Variants in KIF2A observed in about 807,000 individuals in gnomAD.
The protein encoded by KIF2A is kinesin-like protein KIF2A.
KIF2A carries 22 observed loss-of-function variants against 100.2 expected under a neutral mutation model. That is an observed-to-expected ratio of 0.22 (90% confidence interval 0.16 to 0.31). KIF2A has a LOEUF of 0.31. KIF2A is among the 10% of genes least tolerant of loss of function. The pLI is 1.00. For missense variants in KIF2A, 495 were observed against 898.7 expected (o/e 0.55, Z 5.74); for synonymous variants, 268 against 285.9 (o/e 0.94, Z 0.63).
chr5:62,378,582 A>G (rs1381314838), intron 19 of KIF2A, among the ~76,000 whole-genome samples: 1 of 152,236 alleles, frequency 6.6e-6, no homozygotes, highest in African/African-American at 2.4e-5. Context: ...CAAAAATGAC[A>G]GAGAACACTT....
At chr5:62,323,904 T>C (rs996152426) in intron 1 of KIF2A, among the ~76,000 whole-genome samples, 2 of 152,034 alleles carry the variant, frequency 1.3e-5, no homozygotes, top group African/African-American at 4.8e-5. Context: ...CATGGTGGTA[T>C]GTACCTGTGG....
chr5:62,335,422 C>G (rs1384314735), intron 1 of KIF2A, among the ~76,000 whole-genome samples: 1 of 152,174 alleles, frequency 6.6e-6, no homozygotes, highest in African/African-American at 2.4e-5. Context: ...AGACGCCACT[C>G]TGTCCCTCAG....
At position 62,313,672 on chromosome 5, in the gene KIF2A, C is replaced by T. The variant is rs115972924; in HGVS notation, c.64+7136C>T. Among the ~76,000 whole-genome samples the T allele has an allele frequency of 5.3e-3, 801 of 152,226 alleles. 1 individual carries two copies. The highest frequency in any genetic ancestry group is 1.0e-2 in the South Asian group (48 of 4,824). Reference sequence around the variant, plus strand: ...CCGGCCAGCCTCAGAGTTCTTAATACAGCATTATCAGCCCTAATAGCCCTA... The same window carrying T: ...CCGGCCAGCCTCAGAGTTCTTAATATAGCATTATCAGCCCTAATAGCCCTA... On this transcript the variant is annotated intron_variant, in intron 1 of 20. Coordinates refer to ENST00000407818, the MANE Select transcript of KIF2A (RefSeq NM_001098511.3).
At chr5:62,309,333 A>G (rs1561242954) in intron 1 of KIF2A, among the ~76,000 whole-genome samples, 1 of 152,216 alleles carries the variant, frequency 6.6e-6, no homozygotes, top group Non-Finnish European at 1.5e-5. Flanking sequence ...ACAGTGTGTT[A>G]TTATCCTAAC....
intron 20 of KIF2A, among the ~76,000 whole-genome samples, chr5:62,384,734 A>C (rs762856985): frequency 2.0e-5 from 3 of 152,366 alleles, no homozygotes; most frequent in African/African-American, 4.8e-5. Context: ...GCGTAAAATC[A>C]AGAAATATAT....
chr5:62,316,730 C>T lies in KIF2A; in HGVS notation c.64+10194C>T, dbSNP rs973597507. ...TACCTGGTGCAGGGCATTGATAGCG[C>T]GGAGGGTGTGTGGGGTTAAGAATTG... On this transcript the variant is annotated intron_variant, in intron 1 of 20. Transcript: ENST00000407818. 5.9e-5 allele frequency among the ~76,000 whole-genome samples: 9 copies of T among 152,136 alleles called. No homozygotes were observed. In the East Asian group the frequency reaches 1.4e-3, roughly 23 times the overall value.
Position 62,355,167 on chromosome 5 carries a change from T to C in KIF2A, c.567T>C (p.Asp189=). Residue 189 remains aspartate, a synonymous_variant, in exon 7 of 21, where the codon GAT becomes GAC. Transcript: ENST00000407818. Reference sequence around the variant, plus strand: ...TCTCTGTCTTCTAATAGGACGTTGATGCTACAAACCCAAATTATGAAATTA... The same window carrying C: ...TCTCTGTCTTCTAATAGGACGTTGACGCTACAAACCCAAATTATGAAATTA... ...ELREKRAQDV[D]ATNPNYEIMC... is the part of the protein sequence containing the mutation. 6.5e-7 allele frequency: 1 copy of C among 1,533,918 alleles called. No homozygotes were observed. The highest frequency in any genetic ancestry group is 1.1e-5 in the South Asian group (1 of 87,602).
chr5:62,360,640 G>A (rs922931011), intron 9 of KIF2A, among the ~76,000 whole-genome samples: 3 of 151,940 alleles, frequency 2.0e-5, no homozygotes, highest in Non-Finnish European at 4.4e-5. Flanking sequence ...AGCTGAGATC[G>A]CGCCATTTGC....
chr5:62,367,237 C>T (rs1741115787), intron 16 of KIF2A, among the ~76,000 whole-genome samples: 1 of 151,792 alleles, frequency 6.6e-6, no homozygotes, highest in Non-Finnish European at 1.5e-5. Flanking sequence ...GAAGTGATAG[C>T]ACAGTTCTTT....
intron 7 of KIF2A, among the ~76,000 whole-genome samples, chr5:62,356,221 G>C (rs1459703862): frequency 6.6e-6 from 1 of 152,196 alleles, no homozygotes; most frequent in Non-Finnish European, 1.5e-5. Flanking sequence ...GAATTGAATA[G>C]AATTGTTGAT....
intron 20 of KIF2A, among the ~76,000 whole-genome samples, chr5:62,383,527 G>C (rs1741882617): frequency 6.6e-6 from 1 of 152,144 alleles, no homozygotes; most frequent in African/African-American, 2.4e-5. Flanking sequence ...ACAGGCATGA[G>C]CCACCACGCC....
intron 7 of KIF2A, among the ~76,000 whole-genome samples, chr5:62,356,286 A>T (rs1156504071): frequency 6.6e-6 from 1 of 152,214 alleles, no homozygotes; most frequent in Non-Finnish European, 1.5e-5. Flanking sequence ...TGTTTCACTT[A>T]CTGCATTAGA....
chr5:62,379,479 A>C (rs912929349), intron 19 of KIF2A, among the ~76,000 whole-genome samples: 3 of 152,112 alleles, frequency 2.0e-5, no homozygotes, highest in Non-Finnish European at 4.4e-5. Context: ...CCTGACCAAT[A>C]TGGAGAAACC....
intron 1 of KIF2A, among the ~76,000 whole-genome samples, chr5:62,312,189 C>G (rs934808223): frequency 1.3e-5 from 2 of 152,234 alleles, no homozygotes; most frequent in Admixed American, 1.3e-4. Flanking sequence ...AGCCAGGAAT[C>G]TGTATTCATT....
intron 20 of KIF2A, among the ~76,000 whole-genome samples, chr5:62,384,364 G>A (rs1741921516): frequency 6.6e-6 from 1 of 152,184 alleles, no homozygotes. Context: ...AAAAGGGGAG[G>A]AAAATTGAGA....
At chr5:62,351,335 A>C (rs1747846765) in intron 4 of KIF2A, among the ~76,000 whole-genome samples, 1 of 152,136 alleles carries the variant, frequency 6.6e-6, no homozygotes, top group African/African-American at 2.4e-5. Context: ...TAATTTTGCA[A>C]ATTCGAGAAG....
At chr5:62,360,135 C>T (rs1026576739) in intron 9 of KIF2A, among the ~76,000 whole-genome samples, 9 of 151,788 alleles carry the variant, frequency 5.9e-5, no homozygotes, top group Admixed American at 1.3e-4. Flanking sequence ...GGATTACAGG[C>T]GTGTGCCACC....
At chr5:62,346,049 T>TAAG (rs1554040872) in intron 1 of KIF2A, among the ~76,000 whole-genome samples, 1 of 151,962 alleles carries the variant, frequency 6.6e-6, no homozygotes, top group Admixed American at 6.6e-5. Flanking sequence ...GCAGTGTTTA[T>TAAG]AATAATAATA....
chr5:62,347,870 C>T lies in KIF2A; in HGVS notation c.160-178C>T, dbSNP rs1046272203. On this transcript the variant is annotated intron_variant, in intron 2 of 20. Transcript: ENST00000407818. Reference sequence around the variant, plus strand: ...GACTCCTGGGCTCAAATGATCCGCCCACCTTGACCTCCCAAAGTGCTAAGA... The same window carrying T: ...GACTCCTGGGCTCAAATGATCCGCCTACCTTGACCTCCCAAAGTGCTAAGA... Among the ~76,000 whole-genome samples the T allele has an allele frequency of 3.3e-5, 5 of 152,078 alleles. 1 individual carries two copies. The highest frequency in any genetic ancestry group is 2.0e-4 in the Admixed American group (3 of 15,270).
Sources: allele counts gnomAD v4.1 joint callset (sites outside exome capture counted in the v4.1 genomes callset), GRCh38; gene constraint gnomAD v4.1.1; transcripts MANE v1.5; gene names NCBI Gene and HGNC (gene_info 2026-07-23, HGNC 2026-07-21).